PAK5: variants seen among roughly 807,000 people sequenced by gnomAD.
The protein encoded by PAK5 is serine/threonine-protein kinase PAK 5.
A neutral mutation model predicts 65.9 loss-of-function variants in PAK5; 16 were observed. The observed-to-expected ratio is 0.24, with a 90% confidence interval of 0.16 to 0.37. The LOEUF is 0.37. Ranked by LOEUF, PAK5 falls within the 10% of genes least tolerant of loss-of-function variation. The pLI, the probability that PAK5 is intolerant of heterozygous loss-of-function variation, is 1.00. For synonymous variants in PAK5, 371 were observed against 354.9 expected, an observed-to-expected ratio of 1.05 and a Z score of -0.51; for missense variants, 785 against 903.9, an observed-to-expected ratio of 0.87 and a Z score of 1.69.
intron 2 of PAK5, among the ~76,000 whole-genome samples, chr20:9,708,675 C>T (rs1251016240): frequency 2.0e-5 from 3 of 152,084 alleles, no homozygotes; most frequent in Admixed American, 6.6e-5. Context: ...CTGAGGACTT[C>T]CTCTGGCTGC....
chr20:9,695,951 C>T (rs531466683), intron 2 of PAK5, among the ~76,000 whole-genome samples: 17 of 151,968 alleles, frequency 1.1e-4, no homozygotes, highest in African/African-American at 4.1e-4. Context: ...TTTAAATTTC[C>T]TAGTAGCCAC....
chr20:9,576,777 A>C (rs950528421), intron 4 of PAK5, among the ~76,000 whole-genome samples: 10 of 152,240 alleles, frequency 6.6e-5, no homozygotes, highest in African/African-American at 2.2e-4. Flanking sequence ...CTGTGAGCAT[A>C]CTAAGCCTCT....
At chr20:9,796,352 A>T (rs535201937) in intron 1 of PAK5, among the ~76,000 whole-genome samples, 1 of 152,162 alleles carries the variant, frequency 6.6e-6, no homozygotes, top group South Asian at 2.1e-4. Flanking sequence ...AGATGAAAAA[A>T]AGCCAGGCTG....
At chr20:9,563,865 G>A (rs1326070066) in intron 5 of PAK5, among the ~76,000 whole-genome samples, 1 of 152,196 alleles carries the variant, frequency 6.6e-6, no homozygotes, top group African/African-American at 2.4e-5. Context: ...GCACCCGTGG[G>A]AGCTGGAGAT....
At chr20:9,750,647 G>C (rs1251129403) in intron 1 of PAK5, among the ~76,000 whole-genome samples, 1 of 152,104 alleles carries the variant, frequency 6.6e-6, no homozygotes, top group African/African-American at 2.4e-5. Context: ...AAGGATAACA[G>C]ATAGCTCACA....
chr20:9,707,866 A>G (rs1190710340), intron 2 of PAK5, among the ~76,000 whole-genome samples: 1 of 152,172 alleles, frequency 6.6e-6, no homozygotes, highest in Non-Finnish European at 1.5e-5. Context: ...AACCTAGCTA[A>G]GATCAGCCAA....
intron 1 of PAK5, among the ~76,000 whole-genome samples, chr20:9,783,171 G>A (rs535876471): frequency 4.1e-4 from 63 of 151,904 alleles, no homozygotes; most frequent in Non-Finnish European, 6.8e-4. Flanking sequence ...CCCGACCTCC[G>A]GTGATGCACC....
At chr20:9,659,942 A>G (rs1426659841) in intron 2 of PAK5, among the ~76,000 whole-genome samples, 1 of 152,156 alleles carries the variant, frequency 6.6e-6, no homozygotes, top group Non-Finnish European at 1.5e-5. Context: ...GCTTCTCTAT[A>G]ACAGCAAGTA....
chr20:9,693,200 C>T (rs976152739), intron 2 of PAK5, among the ~76,000 whole-genome samples: 1 of 152,010 alleles, frequency 6.6e-6, no homozygotes, highest in African/African-American at 2.4e-5. Flanking sequence ...AATTGATATT[C>T]CTCTTTCAGA....
intron 2 of PAK5, among the ~76,000 whole-genome samples, chr20:9,687,554 G>A (rs1169386074): frequency 3.3e-5 from 5 of 152,110 alleles, no homozygotes; most frequent in Non-Finnish European, 4.4e-5. Context: ...GCGTCTTTGG[G>A]TATTAACTGG....
chr20:9,617,649 A>C (rs1212473599), intron 3 of PAK5, among the ~76,000 whole-genome samples: 2 of 135,896 alleles, frequency 1.5e-5, no homozygotes, highest in African/African-American at 5.5e-5. Flanking sequence ...TCCACCTCTT[A>C]GGTTCGCGCC....
chr20:9,759,291 G>A (rs1416297212), intron 1 of PAK5, among the ~76,000 whole-genome samples: 2 of 152,040 alleles, frequency 1.3e-5, no homozygotes, highest in Admixed American at 6.5e-5. Flanking sequence ...TTACTTTGTA[G>A]CATATTTACA....
chr20:9,804,245 G>A (rs959587190), intron 1 of PAK5, among the ~76,000 whole-genome samples: 2 of 152,206 alleles, frequency 1.3e-5, no homozygotes, highest in Admixed American at 6.5e-5. Flanking sequence ...TCACATGGTA[G>A]TGCTTATGAT....
intron 3 of PAK5, among the ~76,000 whole-genome samples, chr20:9,615,091 A>G (rs2046631140): frequency 6.6e-6 from 1 of 152,226 alleles, no homozygotes; most frequent in Non-Finnish European, 1.5e-5. Flanking sequence ...AAGCTATGTA[A>G]TATATAATTC....
chr20:9,653,446 C>T (rs146975228), intron 2 of PAK5, among the ~76,000 whole-genome samples: 43 of 152,344 alleles, frequency 2.8e-4, no homozygotes, highest in Admixed American at 4.6e-4. Context: ...TTTTGACACT[C>T]AGCATCTCCA....
At chr20:9,822,009 C>T (rs2049426923) in intron 1 of PAK5, among the ~76,000 whole-genome samples, 1 of 152,150 alleles carries the variant, frequency 6.6e-6, no homozygotes, top group African/African-American at 2.4e-5. Context: ...AGAATGCAGG[C>T]CCGGTGTGGT....
chr20:9,597,429 C>T (rs1443727061), intron 3 of PAK5, among the ~76,000 whole-genome samples: 1 of 152,192 alleles, frequency 6.6e-6, no homozygotes, highest in Non-Finnish European at 1.5e-5. Flanking sequence ...CAAGCACTGA[C>T]CCTTTATGTG....
chr20:9,679,659 C>T (rs7268726), intron 2 of PAK5, among the ~76,000 whole-genome samples: 8,773 of 152,194 alleles, frequency 0.058, 815 homozygotes, highest in African/African-American at 0.2. Context: ...ACAGTAGAGT[C>T]GTGCAGTGAT....
chr20:9,757,752 T>C (rs971274595), intron 1 of PAK5, among the ~76,000 whole-genome samples: 1 of 152,188 alleles, frequency 6.6e-6, no homozygotes, highest in Non-Finnish European at 1.5e-5. Flanking sequence ...TTTATGCACA[T>C]GTATACTGAT....
Sources: gnomAD v4.1 joint callset for allele counts (sites outside exome capture counted in the v4.1 genomes callset) on GRCh38, gnomAD v4.1.1 for gene constraint, MANE v1.5 for transcripts, NCBI Gene and HGNC (gene_info 2026-07-23, HGNC 2026-07-21) for gene names.